The following OPCML variants were observed in gnomAD, a reference collection of about 807,000 sequenced individuals.
OPCML encodes the protein opioid-binding protein/cell adhesion molecule.
Under a neutral mutation model 37.8 loss-of-function variants are expected in OPCML, and 13 were observed. The observed-to-expected ratio is 0.34, with a 90% CI of 0.22 to 0.55. The LOEUF is 0.55. OPCML is among the 20% of genes least tolerant of loss of function. OPCML has a pLI of 0.91. For missense variants in OPCML, 341 were observed against 435.6 expected, an observed-to-expected ratio of 0.78 and a Z score of 1.93; for synonymous variants, 176 against 168.8, an observed-to-expected ratio of 1.04 and a Z score of -0.33.
At chr11:133,367,240 G>A (rs1379724003) in intron 1 of OPCML, among the ~76,000 whole-genome samples, 1 of 152,122 alleles carries the variant, frequency 6.6e-6, no homozygotes, top group Non-Finnish European at 1.5e-5. Flanking sequence ...GCCTCCCAAA[G>A]TGCTGGGATT....
chr11:132,974,912 C>T (rs757400595), intron 1 of OPCML, among the ~76,000 whole-genome samples: 1 of 151,584 alleles, frequency 6.6e-6, no homozygotes. Context: ...CTGTTTAAGG[C>T]CCTCTCGTCT....
chr11:133,220,707 C>T (rs1026693391), intron 1 of OPCML, among the ~76,000 whole-genome samples: 5 of 152,154 alleles, frequency 3.3e-5, no homozygotes, highest in Non-Finnish European at 5.9e-5. Flanking sequence ...AATGCTCCCC[C>T]AAAAGTCTCA....
At chr11:132,609,825 T>C (rs1163256606) in intron 3 of OPCML, among the ~76,000 whole-genome samples, 2 of 152,180 alleles carry the variant, frequency 1.3e-5, no homozygotes, top group Non-Finnish European at 2.9e-5. Context: ...CTGGGAACTG[T>C]CTGATCGATA....
intron 1 of OPCML, among the ~76,000 whole-genome samples, chr11:133,385,452 G>C (rs959476962): frequency 6.6e-6 from 1 of 152,178 alleles, no homozygotes; most frequent in East Asian, 1.9e-4. Flanking sequence ...GAAGGCAAAG[G>C]CTTGGTCGTC....
At chr11:133,043,169 A>G (rs1031845026) in intron 1 of OPCML, among the ~76,000 whole-genome samples, 2 of 152,136 alleles carry the variant, frequency 1.3e-5, no homozygotes, top group African/African-American at 4.8e-5. Flanking sequence ...TTGTTGGAGA[A>G]TCTTTATTAC....
chr11:132,709,841 C>T (rs779464306), intron 2 of OPCML, among the ~76,000 whole-genome samples: 1 of 152,158 alleles, frequency 6.6e-6, no homozygotes, highest in African/African-American at 2.4e-5. Flanking sequence ...TCGCTAAGAC[C>T]GTGCGAATAT....
chr11:132,693,312 G>T (rs1020825302), intron 2 of OPCML, among the ~76,000 whole-genome samples: 3 of 152,168 alleles, frequency 2.0e-5, no homozygotes, highest in African/African-American at 7.2e-5. Context: ...GGACCAAAAA[G>T]TATGACCTAT....
At chr11:132,977,535 T>G (rs533071979) in intron 1 of OPCML, among the ~76,000 whole-genome samples, 1 of 152,338 alleles carries the variant, frequency 6.6e-6, no homozygotes, top group South Asian at 2.1e-4. Flanking sequence ...CATTCACTCA[T>G]GTGGCTCATG....
intron 1 of OPCML, among the ~76,000 whole-genome samples, chr11:133,261,287 T>C (rs1425901541): frequency 6.6e-6 from 1 of 152,218 alleles, no homozygotes; most frequent in Non-Finnish European, 1.5e-5. Flanking sequence ...GTGTCCACTT[T>C]CTGAGCTATG....
intron 1 of OPCML, among the ~76,000 whole-genome samples, chr11:133,071,476 A>G (rs935712983): frequency 6.6e-6 from 1 of 152,170 alleles, no homozygotes; most frequent in Admixed American, 6.5e-5. Context: ...AGTCTTGAAG[A>G]TTTTTCTGAT....
intron 1 of OPCML, among the ~76,000 whole-genome samples, chr11:133,134,680 A>G (rs918655178): frequency 2.0e-5 from 3 of 151,984 alleles, no homozygotes; most frequent in South Asian, 2.1e-4. Flanking sequence ...CTCCAAGGGA[A>G]CTCTTGCGTG....
chr11:133,371,939 A>G (rs972351717), intron 1 of OPCML, among the ~76,000 whole-genome samples: 1 of 152,158 alleles, frequency 6.6e-6, no homozygotes, highest in African/African-American at 2.4e-5. Flanking sequence ...CAAATATTGC[A>G]TGTTGTTACT....
chr11:132,714,304 T>C (rs1297097905), intron 2 of OPCML, among the ~76,000 whole-genome samples: 1 of 152,232 alleles, frequency 6.6e-6, no homozygotes, highest in Non-Finnish European at 1.5e-5. Flanking sequence ...AGTCTATCCA[T>C]AGTATTGGAC....
chr11:132,805,989 G>A (rs1485733642), intron 2 of OPCML, among the ~76,000 whole-genome samples: 1 of 152,036 alleles, frequency 6.6e-6, no homozygotes, highest in Admixed American at 6.6e-5. Flanking sequence ...AACAAGGACA[G>A]GTAAACATAA....
chr11:133,006,670 A>T (rs1506874), intron 1 of OPCML: 1 of 985,338 alleles, frequency 1.0e-6, no homozygotes, highest in African/African-American at 1.7e-5. Context: ...CCCTTCCCTG[A>T]TCCCACATGT....
intron 4 of OPCML, among the ~76,000 whole-genome samples, chr11:132,489,959 T>C (rs1444155186): frequency 1.3e-5 from 2 of 152,130 alleles, no homozygotes; most frequent in Non-Finnish European, 2.9e-5. Flanking sequence ...TCTGTTATTG[T>C]ATTAGTTTGC....
At chr11:132,720,734 G>A (rs1944649010) in intron 2 of OPCML, among the ~76,000 whole-genome samples, 1 of 152,094 alleles carries the variant, frequency 6.6e-6, no homozygotes, top group Non-Finnish European at 1.5e-5. Context: ...TCCAATTATT[G>A]AGAAAACTGG....
At chr11:132,715,009 A>G (rs1944415414) in intron 2 of OPCML, among the ~76,000 whole-genome samples, 1 of 152,164 alleles carries the variant, frequency 6.6e-6, no homozygotes, top group East Asian at 1.9e-4. Context: ...AATCCTAGTG[A>G]CACTTAATGG....
At chr11:132,657,571 A>G (rs1010157388) in intron 2 of OPCML, 9 of 366,684 alleles carry the variant, frequency 2.5e-5, no homozygotes, top group Non-Finnish European at 3.8e-6. Flanking sequence ...TTTGCCATCC[A>G]TTTGCTTTCC....
Sources: gnomAD v4.1 joint callset for allele counts (sites outside exome capture counted in the v4.1 genomes callset) on GRCh38, gnomAD v4.1.1 for gene constraint, MANE v1.5 for transcripts, NCBI Gene and HGNC (gene_info 2026-07-23, HGNC 2026-07-21) for gene names.